The following MAP3K13 variants were observed in gnomAD, a reference collection of about 807,000 sequenced individuals.
The protein encoded by MAP3K13 is mitogen-activated protein kinase kinase kinase 13, also known as leucine zipper-bearing kinase.
Under a neutral mutation model 104.0 loss-of-function variants are expected in MAP3K13, and 52 were observed. The ratio of observed to expected loss-of-function variants is 0.50; its 90% CI spans 0.40 to 0.63. The LOEUF is 0.63. Ranked by LOEUF, MAP3K13 falls within the 20% of genes least tolerant of loss-of-function variation. The pLI is 0.00. For missense variants in MAP3K13, 914 were observed against 1,218.5 expected (o/e 0.75, Z 3.72); for synonymous variants, 394 against 442.2 (o/e 0.89, Z 1.37).
intron 1 of MAP3K13, among the ~76,000 whole-genome samples, chr3:185,409,366 T>C (rs1713298706): frequency 6.6e-6 from 1 of 152,162 alleles, no homozygotes; most frequent in Admixed American, 6.5e-5. Flanking sequence ...AGACCCTGTC[T>C]CTAATTAATT....
intron 2 of MAP3K13, among the ~76,000 whole-genome samples, chr3:185,431,039 G>GAAGGGGC (rs887546072): frequency 1.3e-5 from 2 of 152,142 alleles, no homozygotes; most frequent in African/African-American, 4.8e-5. Context: ...AGGAGACAGA[G>GAAGGGGC]AAGGGGCAAG....
chr3:185,287,598 AAAT>A (rs1340358380), intron 2 of MAP3K13, among the ~76,000 whole-genome samples: 38 of 152,118 alleles, frequency 2.5e-4, no homozygotes, highest in African/African-American at 4.8e-5. Context: ...ATGAAAATTT[AAAT>A]AATAATCTTT....
chr3:185,321,266 G>C (rs1721858369), intron 2 of MAP3K13, among the ~76,000 whole-genome samples: 1 of 152,120 alleles, frequency 6.6e-6, no homozygotes, highest in African/African-American at 2.4e-5. Context: ...TGCACACACA[G>C]ATATGCACAT....
At chr3:185,372,227 A>T (rs1724197185) in intron 1 of MAP3K13, among the ~76,000 whole-genome samples, 1 of 152,226 alleles carries the variant, frequency 6.6e-6, no homozygotes, top group Non-Finnish European at 1.5e-5. Flanking sequence ...AACTGCTGGG[A>T]AATACTCACC....
intron 2 of MAP3K13, among the ~76,000 whole-genome samples, chr3:185,323,873 A>C (rs1025912227): frequency 6.6e-6 from 1 of 152,204 alleles, no homozygotes; most frequent in Non-Finnish European, 1.5e-5. Flanking sequence ...CCATAACCTC[A>C]CCAACATTGT....
At chr3:185,357,859 G>A (rs905139659) in intron 2 of MAP3K13, among the ~76,000 whole-genome samples, 1 of 152,106 alleles carries the variant, frequency 6.6e-6, no homozygotes, top group South Asian at 2.1e-4. Context: ...CTTTTCTCCA[G>A]CTGGCTAGAT....
intron 1 of MAP3K13, among the ~76,000 whole-genome samples, chr3:185,410,613 G>A (rs1713385135): frequency 6.6e-6 from 1 of 152,090 alleles, no homozygotes; most frequent in South Asian, 2.1e-4. Flanking sequence ...CCATAACAAT[G>A]TACAATTATT....
rs556254493 is a variant in MAP3K13, at chr3:185,322,706, G to A, written c.-86+37063G>A. ...TTTATAAACTCACTCTCACATCCCCGGTGCCTTGCACAGTAGGTACCAACA... is the reference window on the plus strand; with the variant it reads ...TTTATAAACTCACTCTCACATCCCCAGTGCCTTGCACAGTAGGTACCAACA... On this transcript the variant is annotated intron_variant, in intron 2 of 14. Coordinates refer to the MAP3K13 transcript ENST00000424227. Among the ~76,000 whole-genome samples the A allele has an allele frequency of 2.3e-4, 35 of 152,092 alleles. No individual in the cohort carries two copies. In the South Asian group the frequency reaches 3.5e-3, roughly 15 times the overall value.
At chr3:185,472,563 G>A (rs151276709) in intron 10 of MAP3K13, among the ~76,000 whole-genome samples, 37 of 152,150 alleles carry the variant, frequency 2.4e-4, no homozygotes, top group African/African-American at 7.2e-4. Context: ...TCTTTGGGAC[G>A]TTGTTCCATA....
chr3:185,391,926 G>A (rs1489884433), intron 1 of MAP3K13, among the ~76,000 whole-genome samples: 1 of 152,108 alleles, frequency 6.6e-6, no homozygotes, highest in African/African-American at 2.4e-5. Context: ...GTGCGGGTGG[G>A]GGAGGTGAGC....
chr3:185,364,574 TATA>T (rs1268940604), intron 1 of MAP3K13, among the ~76,000 whole-genome samples: 3 of 152,264 alleles, frequency 2.0e-5, no homozygotes, highest in Admixed American at 6.5e-5. Flanking sequence ...AAATTATGGC[TATA>T]ATATCTTTTG....
At chr3:185,452,629 G>T (rs1715956448) in intron 7 of MAP3K13, among the ~76,000 whole-genome samples, 1 of 152,144 alleles carries the variant, frequency 6.6e-6, no homozygotes, top group Admixed American at 6.6e-5. Flanking sequence ...AGTTCTACTG[G>T]CTTTGACTGG....
At position 185,284,089 on chromosome 3, in the gene MAP3K13, C is replaced by T. The variant is rs967015014; in HGVS notation, c.-205+1062C>T. On this transcript the variant is annotated intron_variant, in intron 1 of 14. Transcript: ENST00000424227. The stretch of plus-strand genomic sequence containing the variant: ...AATTTTTGTATTTTTAGTAGAGCCT[C>T]GGCCTCCCAAAGTGCTGGGATTACG... Among the ~76,000 whole-genome samples, 5 of 151,426 alleles carry T rather than the reference C, an allele frequency of 3.3e-5. No individual in the cohort carries two copies. In the South Asian group the frequency reaches 6.3e-4, roughly 19 times the overall value.
intron 10 of MAP3K13, among the ~76,000 whole-genome samples, chr3:185,469,225 TAA>T (rs746035865): frequency 3.9e-5 from 6 of 152,158 alleles, no homozygotes; most frequent in Non-Finnish European, 8.8e-5. Flanking sequence ...AGTTAGAGAC[TAA>T]AAAGAGTGTC....
intron 2 of MAP3K13, among the ~76,000 whole-genome samples, chr3:185,294,939 C>A (rs938802796): frequency 6.6e-6 from 1 of 152,178 alleles, no homozygotes; most frequent in African/African-American, 2.4e-5. Flanking sequence ...TTATCATCTT[C>A]GCCTACATTT....
At chr3:185,434,252 A>G (rs752381144) in intron 2 of MAP3K13, among the ~76,000 whole-genome samples, 4 of 152,242 alleles carry the variant, frequency 2.6e-5, no homozygotes, top group Non-Finnish European at 5.9e-5. Context: ...TGGAAGGCTA[A>G]TAGATAAATG....
upstream of MAP3K13, chr3:185,363,019 C>G: frequency 1.0e-6 from 1 of 956,822 alleles, no homozygotes; most frequent in Non-Finnish European, 1.2e-6. Flanking sequence ...GTGGCAGATG[C>G]CTGATTGGCG....
intron 1 of MAP3K13, among the ~76,000 whole-genome samples, chr3:185,400,587 C>CCTAAAAA (rs1712735467): frequency 6.6e-6 from 1 of 152,102 alleles, no homozygotes; most frequent in African/African-American, 2.4e-5. Context: ...TTAGGTGTAG[C>CCTAAAAA]CTTGTGATTT....
chr3:185,327,776 G>A (rs908470138), intron 2 of MAP3K13, among the ~76,000 whole-genome samples: 3 of 152,110 alleles, frequency 2.0e-5, no homozygotes, highest in African/African-American at 7.2e-5. Flanking sequence ...GCTGGACACG[G>A]TGGCGGGCGT....
Sources: allele counts gnomAD v4.1 joint callset (sites outside exome capture counted in the v4.1 genomes callset), GRCh38; gene constraint gnomAD v4.1.1; transcripts MANE v1.5; gene names NCBI Gene and HGNC (gene_info 2026-07-23, HGNC 2026-07-21).